The following DAB1 variants were observed in gnomAD, a reference collection of about 807,000 sequenced individuals.
DAB1 encodes DAB adaptor protein 1, also known as disabled homolog 1.
In DAB1, 15 loss-of-function variants were observed where a neutral mutation model predicts 64.6. The observed-to-expected ratio is 0.23, with a 90% CI of 0.16 to 0.36. DAB1 has a LOEUF of 0.36. DAB1 is among the 10% of genes least tolerant of loss of function. The pLI, the probability that DAB1 is intolerant of heterozygous loss-of-function variation, is 1.00. For synonymous variants in DAB1, 235 were observed against 251.9 expected, an observed-to-expected ratio of 0.93 and a Z score of 0.64; for missense variants, 596 against 706.7, an observed-to-expected ratio of 0.84 and a Z score of 1.78.
At chr1:57,304,469 T>C (rs1344933447) in intron 1 of DAB1, among the ~76,000 whole-genome samples, 1 of 152,142 alleles carries the variant, frequency 6.6e-6, no homozygotes, top group African/African-American at 2.4e-5. Flanking sequence ...GCCATGAGCA[T>C]CACCGTCTCA....
At chr1:57,133,087 T>C (rs550301523) in intron 4 of DAB1, among the ~76,000 whole-genome samples, 1 of 152,152 alleles carries the variant, frequency 6.6e-6, no homozygotes. Context: ...TTCATAGAAT[T>C]GCCGTAGCAT....
At chr1:57,635,689 A>C in intron 7 of DAB1, among the ~76,000 whole-genome samples, 1 of 152,206 alleles carries the variant, frequency 6.6e-6, no homozygotes, top group East Asian at 1.9e-4. Flanking sequence ...ATTGTAATGC[A>C]CTTGAATCAT....
At chr1:57,970,193 T>A (rs1251821096) in intron 5 of DAB1, among the ~76,000 whole-genome samples, 1 of 152,204 alleles carries the variant, frequency 6.6e-6, no homozygotes, top group Non-Finnish European at 1.5e-5. Flanking sequence ...TAAGCCATCG[T>A]GTCTATGGTA....
intron 3 of DAB1, among the ~76,000 whole-genome samples, chr1:58,372,718 G>C (rs994244495): frequency 2.6e-5 from 4 of 152,148 alleles, no homozygotes; most frequent in Non-Finnish European, 1.5e-5. Flanking sequence ...CATGAGGGTG[G>C]TTTCCCCCAT....
At chr1:57,136,714 T>C in intron 3 of DAB1, 73 bp from the exon 4 acceptor site, 1 of 904,062 alleles carries the variant, frequency 1.1e-6, no homozygotes, top group Non-Finnish European at 1.6e-6. Flanking sequence ...CAAAGGTATG[T>C]CCGATACCAT....
intron 7 of DAB1, among the ~76,000 whole-genome samples, chr1:57,633,750 G>A (rs1646018920): frequency 1.3e-5 from 2 of 152,066 alleles, no homozygotes; most frequent in South Asian, 4.1e-4. Flanking sequence ...CTCCACTATT[G>A]AACCTAAGTG....
intron 7 of DAB1, among the ~76,000 whole-genome samples, chr1:57,614,317 C>G (rs1294288973): frequency 6.6e-6 from 1 of 152,146 alleles, no homozygotes; most frequent in East Asian, 1.9e-4. Flanking sequence ...CATCTATGAA[C>G]AGAACCTGGC....
chr1:57,461,898 G>T (rs1276500785), intron 7 of DAB1, among the ~76,000 whole-genome samples: 2 of 151,314 alleles, frequency 1.3e-5, no homozygotes, highest in Non-Finnish European at 2.9e-5. Context: ...GCTAAGGGGA[G>T]GTGGGAGTGG....
intron 6 of DAB1, among the ~76,000 whole-genome samples, chr1:57,714,503 T>A (rs1299813987): frequency 6.6e-6 from 1 of 152,116 alleles, no homozygotes; most frequent in Non-Finnish European, 1.5e-5. Flanking sequence ...CAGAGCTAGG[T>A]CTTGAAAAAG....
At chr1:57,356,308 C>T (rs950858388) in intron 1 of DAB1, among the ~76,000 whole-genome samples, 2 of 152,098 alleles carry the variant, frequency 1.3e-5, no homozygotes, top group Admixed American at 1.3e-4. Flanking sequence ...TAAACTTGCT[C>T]AGTTCAATCC....
chr1:57,887,674 C>T (rs932273527), upstream of DAB1, among the ~76,000 whole-genome samples: 1 of 152,212 alleles, frequency 6.6e-6, no homozygotes, highest in South Asian at 2.1e-4. Flanking sequence ...TTAACAGACT[C>T]TGTTTGCTGC....
intron 2 of DAB1, among the ~76,000 whole-genome samples, chr1:58,524,014 T>C (rs1489939189): frequency 1.3e-5 from 2 of 152,206 alleles, no homozygotes; most frequent in Non-Finnish European, 2.9e-5. Context: ...GCAGGCCTTT[T>C]TGCTTTACAA....
Position 58,140,261 on chromosome 1 carries a change from G to A in DAB1, n.387+10250C>T, listed in dbSNP as rs1654204006. On this transcript the variant is annotated intron_variant and non_coding_transcript_variant, in intron 5 of 20. Transcript: ENST00000485760. ...AGCTTCACCATGTGGTATGGAATATGGTTCAGCCATCACAACTCTCTCCTT... is the reference window on the plus strand; with the variant it reads ...AGCTTCACCATGTGGTATGGAATATAGTTCAGCCATCACAACTCTCTCCTT... Among the ~76,000 whole-genome samples, 5 of 152,108 alleles carry A rather than the reference G, an allele frequency of 3.3e-5. No homozygotes were observed. In the South Asian group the frequency reaches 1.0e-3, roughly 32 times the overall value.
At chr1:58,119,987 T>C (rs529011840) in intron 5 of DAB1, among the ~76,000 whole-genome samples, 2 of 152,132 alleles carry the variant, frequency 1.3e-5, no homozygotes, top group East Asian at 1.9e-4. Flanking sequence ...ATTCCAAAAT[T>C]TGGAAAAGTG....
intron 4 of DAB1, among the ~76,000 whole-genome samples, chr1:58,275,274 T>A (rs1326012415): frequency 6.6e-6 from 1 of 152,186 alleles, no homozygotes; most frequent in Non-Finnish European, 1.5e-5. Context: ...AATTTGGCAA[T>A]GATTTCTTGG....
chr1:57,842,264 C>T (rs1480114785), intron 1 of DAB1, among the ~76,000 whole-genome samples: 3 of 152,172 alleles, frequency 2.0e-5, no homozygotes, highest in South Asian at 2.1e-4. Context: ...ACCACCTCAG[C>T]CTGGACTTCA....
intron 7 of DAB1, among the ~76,000 whole-genome samples, chr1:57,550,580 C>T (rs922847431): frequency 1.3e-5 from 2 of 150,316 alleles, no homozygotes; most frequent in Admixed American, 6.6e-5. Flanking sequence ...TGCCTGCAAT[C>T]GATCTATCAT....
chr1:57,639,260 A>T (rs1024830715), intron 7 of DAB1, among the ~76,000 whole-genome samples: 1 of 148,778 alleles, frequency 6.7e-6, no homozygotes, highest in Non-Finnish European at 1.5e-5. Flanking sequence ...AAAGAACTTT[A>T]GTAAGTAACT....
intron 1 of DAB1, among the ~76,000 whole-genome samples, chr1:57,305,896 G>C (rs1422164815): frequency 3.3e-5 from 5 of 150,524 alleles, no homozygotes; most frequent in Middle Eastern, 3.5e-3. Context: ...ATGAACCTGG[G>C]AGGCAGAGCT....
Sources: gnomAD v4.1 joint callset for allele counts (sites outside exome capture counted in the v4.1 genomes callset) on GRCh38, gnomAD v4.1.1 for gene constraint, MANE v1.5 for transcripts, NCBI Gene and HGNC (gene_info 2026-07-23, HGNC 2026-07-21) for gene names.